PTPRT: variants seen among roughly 807,000 people sequenced by gnomAD.
The protein encoded by PTPRT is receptor-type tyrosine-protein phosphatase T.
In PTPRT, 56 loss-of-function variants were observed where a neutral mutation model predicts 176.8. That is an observed-to-expected ratio of 0.32 (90% CI 0.26 to 0.40). PTPRT has a LOEUF of 0.40. Among genes scored for constraint, PTPRT ranks in the 10% least tolerant of loss-of-function variants. The pLI is 1.00. For synonymous variants in PTPRT, 783 were observed against 739.0 expected (o/e 1.06, Z -0.96); for missense variants, 1,540 against 1,908.2 (o/e 0.81, Z 3.60).
At chr20:42,697,742 T>C (rs145882306) in intron 6 of PTPRT, among the ~76,000 whole-genome samples, 119 of 152,330 alleles carry the variant, frequency 7.8e-4, no homozygotes, top group Non-Finnish European at 1.4e-3. Flanking sequence ...CACAATAAAA[T>C]GAGAAGTGAA....
chr20:42,423,071 G>T lies in PTPRT; in HGVS notation c.1560+25149C>A, dbSNP rs2059133602. On this transcript the variant is annotated intron_variant, in intron 9 of 30. Coordinates refer to ENST00000373187, the MANE Select transcript of PTPRT (RefSeq NM_007050.6). Reference sequence around the variant, plus strand: ...GGGTGGAAGGTGGGAGGAGGGAGAGGATCAGGAAAAATAATTAATGGGTAC... The same window carrying T: ...GGGTGGAAGGTGGGAGGAGGGAGAGTATCAGGAAAAATAATTAATGGGTAC... Among the ~76,000 whole-genome samples the T allele has an allele frequency of 1.3e-5, 2 of 149,730 alleles. 1 individual carries two copies. The highest frequency in any genetic ancestry group is 1.3e-4 in the Admixed American group (2 of 14,818).
intron 7 of PTPRT, among the ~76,000 whole-genome samples, chr20:42,544,648 CCTCT>C (rs1164358163): frequency 6.6e-6 from 1 of 152,144 alleles, no homozygotes; most frequent in Non-Finnish European, 1.5e-5. Flanking sequence ...ACTTTCCACT[CCTCT>C]CTCAGGAGAG....
At chr20:42,903,566 A>G (rs2079434784) in intron 1 of PTPRT, among the ~76,000 whole-genome samples, 2 of 152,226 alleles carry the variant, frequency 1.3e-5, no homozygotes, top group Admixed American at 6.5e-5. Context: ...CGGTCTGAGT[A>G]TTATCATAAG....
intron 1 of PTPRT, among the ~76,000 whole-genome samples, chr20:43,119,948 C>T (rs537509318): frequency 6.6e-6 from 1 of 152,248 alleles, no homozygotes; most frequent in East Asian, 1.9e-4. Context: ...CTGAAACCCT[C>T]GGGCTTAGCA....
At chr20:42,640,542 C>A (rs773156310) in intron 7 of PTPRT, among the ~76,000 whole-genome samples, 7 of 151,982 alleles carry the variant, frequency 4.6e-5, no homozygotes, top group African/African-American at 9.7e-5. Context: ...GTGTGCATTA[C>A]CATGCCCAGC....
intron 7 of PTPRT, among the ~76,000 whole-genome samples, chr20:42,566,158 CAG>C (rs771599846): frequency 6.6e-6 from 1 of 151,924 alleles, no homozygotes; most frequent in African/African-American, 2.4e-5. Context: ...TCTTTTGAGA[CAG>C]AGTCTCACTC....
At chr20:43,058,205 T>TA (rs545232592) in intron 1 of PTPRT, among the ~76,000 whole-genome samples, 5 of 148,806 alleles carry the variant, frequency 3.4e-5, no homozygotes, top group African/African-American at 1.0e-4. Flanking sequence ...TCTTACATAA[T>TA]AAAAAAAGTA....
At chr20:42,993,842 C>T (rs1984084492) in intron 1 of PTPRT, among the ~76,000 whole-genome samples, 1 of 151,856 alleles carries the variant, frequency 6.6e-6, no homozygotes, top group Non-Finnish European at 1.5e-5. Flanking sequence ...TTGGTGATTG[C>T]CCTGACATCG....
intron 3 of PTPRT, among the ~76,000 whole-genome samples, chr20:42,786,344 G>A (rs2077290652): frequency 1.3e-5 from 2 of 152,192 alleles, no homozygotes; most frequent in Admixed American, 6.5e-5. Flanking sequence ...CTACAGATGA[G>A]GGAACTGTGA....
At chr20:42,122,078 T>C (rs2146337968) in intron 19 of PTPRT, among the ~76,000 whole-genome samples, 1 of 152,290 alleles carries the variant, frequency 6.6e-6, no homozygotes, top group East Asian at 1.9e-4. Flanking sequence ...CAATGTATAC[T>C]ATTCAGGTGA....
intron 7 of PTPRT, among the ~76,000 whole-genome samples, chr20:42,533,900 G>A (rs1472504400): frequency 6.6e-6 from 1 of 152,182 alleles, no homozygotes; most frequent in Non-Finnish European, 1.5e-5. Flanking sequence ...GTGGCATTGA[G>A]GTGTCCAGTA....
chr20:42,161,457 G>A lies in PTPRT; in HGVS notation c.2577C>T (p.Ser859=). Residue 859 remains serine (S), a synonymous_variant, in exon 17 of 31, where the codon AGC becomes AGT. Transcript: ENST00000373187. ...PYRTCDPVEM[S]YPRDQFQPAI... ...CGGGTTGGAACTGGTCCCGGGGGTA[G>A]CTCATCTCCACAGGGTCACAGGTGC... 1 of 1,614,168 alleles carries A rather than the reference G, an allele frequency of 6.2e-7. No individual in the cohort carries two copies. The highest frequency in any genetic ancestry group is 8.5e-7 in the Non-Finnish European group (1 of 1,180,022).
chr20:42,295,486 T>C (rs2057374100), intron 12 of PTPRT, among the ~76,000 whole-genome samples: 1 of 152,186 alleles, frequency 6.6e-6, no homozygotes, highest in Admixed American at 6.5e-5. Flanking sequence ...AAAATACGAC[T>C]GAGGAAACTT....
In PTPRT at chr20:42,766,357, G is replaced by A. The variant is rs541924849; in HGVS notation, c.684+5078C>T. Among the ~76,000 whole-genome samples the A allele has an allele frequency of 2.8e-3, 423 of 152,308 alleles. 1 individual carries two copies. Among genetic ancestry groups the A allele is most frequent in the South Asian group, 8.3e-3 (40 of 4,816 alleles). On this transcript the variant is annotated intron_variant, in intron 5 of 30. Transcript: ENST00000373187. ...AGGAGAAATGATCCCAGGACAAGAAGAACCTGCTTATAATTTTTTACTAGC... is the reference window on the plus strand; with the variant it reads ...AGGAGAAATGATCCCAGGACAAGAAAAACCTGCTTATAATTTTTTACTAGC...
chr20:42,845,594 C>T (rs1487913415), intron 2 of PTPRT, among the ~76,000 whole-genome samples: 3 of 152,082 alleles, frequency 2.0e-5, no homozygotes, highest in African/African-American at 7.2e-5. Context: ...ACCTGCTATA[C>T]CCACGTGGGT....
intron 2 of PTPRT, among the ~76,000 whole-genome samples, chr20:42,834,084 G>T (rs2078139488): frequency 8.4e-6 from 1 of 118,876 alleles, no homozygotes; most frequent in South Asian, 2.6e-4. Context: ...CAAGCCATAG[G>T]CTGGGAAAAA....
chr20:42,425,332 G>GAA (rs2059153298), intron 9 of PTPRT, among the ~76,000 whole-genome samples: 1 of 152,184 alleles, frequency 6.6e-6, no homozygotes, highest in Non-Finnish European at 1.5e-5. Flanking sequence ...AAGTCTCTTT[G>GAA]AAAAGAGGTA....
In PTPRT at chr20:42,082,547, G is replaced by T. The variant is rs1017328789; in HGVS notation, c.4137-530C>A. On this transcript the variant is annotated intron_variant, in intron 29 of 30. Coordinates refer to ENST00000373187, the MANE Select transcript of PTPRT (RefSeq NM_007050.6). ...GACAGCAATGCTCTGTTAGCCTAGG[G>T]TCAGCCAGCCCAAGCTTGGAGGTAG... Among the ~76,000 whole-genome samples the T allele has an allele frequency of 4.6e-5, 7 of 152,180 alleles. No individual in the cohort carries two copies. The East Asian group carries it at 1.3e-3, about 29-fold the overall frequency.
intron 7 of PTPRT, among the ~76,000 whole-genome samples, chr20:42,585,684 G>A (rs1451564607): frequency 2.0e-5 from 3 of 152,158 alleles, no homozygotes; most frequent in African/African-American, 7.2e-5. Context: ...CTGAGGCAAT[G>A]AGCTATGAAA....
Sources: gnomAD v4.1 joint callset for allele counts (sites outside exome capture counted in the v4.1 genomes callset) on GRCh38, gnomAD v4.1.1 for gene constraint, MANE v1.5 for transcripts, NCBI Gene and HGNC (gene_info 2026-07-23, HGNC 2026-07-21) for gene names.